NBEA: variants seen among roughly 807,000 people sequenced by gnomAD.
NBEA encodes the protein lysosomal-trafficking regulator 2.
In NBEA, 44 loss-of-function variants were observed where a neutral mutation model predicts 343.4. The observed-to-expected ratio is 0.13, with a 90% confidence interval of 0.10 to 0.16. NBEA has a LOEUF of 0.16. NBEA is among the 10% of genes least tolerant of loss of function. The probability of loss-of-function intolerance (pLI) is 1.00; values close to 1 mark genes in which losing one functional copy is unlikely to be tolerated. For missense variants in NBEA, 2,555 were observed against 3,631.3 expected (o/e 0.70, Z 7.62); for synonymous variants, 1,175 against 1,238.7 (o/e 0.95, Z 1.08).
intron 48 of NBEA, among the ~76,000 whole-genome samples, chr13:35,615,441 T>C (rs2153057086): frequency 6.6e-6 from 1 of 152,162 alleles, no homozygotes; most frequent in African/African-American, 2.4e-5. Flanking sequence ...CCTCCTGGGT[T>C]CAAGTGATTC....
At chr13:35,194,555 A>C (rs992449460) in intron 30 of NBEA, among the ~76,000 whole-genome samples, 2 of 152,136 alleles carry the variant, frequency 1.3e-5, no homozygotes, top group African/African-American at 4.8e-5. Context: ...AAGTTTAAGC[A>C]ATACAAATAG....
intron 41 of NBEA, among the ~76,000 whole-genome samples, chr13:35,514,638 C>G (rs1480232668): frequency 6.6e-6 from 1 of 152,132 alleles, no homozygotes; most frequent in Non-Finnish European, 1.5e-5. Context: ...GAAATGGAAT[C>G]TGTTCATTTT....
intron 1 of NBEA, among the ~76,000 whole-genome samples, chr13:34,995,109 A>C (rs2060892701): frequency 6.6e-6 from 1 of 152,128 alleles, no homozygotes; most frequent in Non-Finnish European, 1.5e-5. Flanking sequence ...ACAAAGGTAA[A>C]AGCCCATTTT....
chr13:34,966,696 G>C (rs2059831409), intron 1 of NBEA, among the ~76,000 whole-genome samples: 2 of 150,096 alleles, frequency 1.3e-5, no homozygotes, highest in South Asian at 4.2e-4. Context: ...ATGAAAATGA[G>C]GTAAATGATG....
At chr13:35,086,221 A>G (rs1446601878) in intron 10 of NBEA, among the ~76,000 whole-genome samples, 1 of 152,084 alleles carries the variant, frequency 6.6e-6, no homozygotes, top group Non-Finnish European at 1.5e-5. Flanking sequence ...CAGAATTGTA[A>G]AAAACTACTT....
chr13:35,074,797 A>G (rs1035061935), intron 10 of NBEA, among the ~76,000 whole-genome samples: 7 of 152,182 alleles, frequency 4.6e-5, no homozygotes, highest in Non-Finnish European at 1.0e-4. Flanking sequence ...GTTGTCTCAC[A>G]TAGTTACCTA....
intron 22 of NBEA, among the ~76,000 whole-genome samples, chr13:35,161,497 G>A (rs932015190): frequency 1.4e-4 from 21 of 152,090 alleles, no homozygotes; most frequent in African/African-American, 5.1e-4. Context: ...GTGAACTTTG[G>A]TGTTAACTTT....
intron 36 of NBEA, among the ~76,000 whole-genome samples, chr13:35,332,775 A>G (rs982956121): frequency 3.3e-5 from 5 of 152,174 alleles, no homozygotes; most frequent in Non-Finnish European, 7.3e-5. Context: ...AAGAATTAAT[A>G]GATTAAAAGT....
chr13:35,210,205 G>A (rs1415938566), intron 32 of NBEA, among the ~76,000 whole-genome samples: 1 of 151,784 alleles, frequency 6.6e-6, no homozygotes, highest in Non-Finnish European at 1.5e-5. Flanking sequence ...AGTGATGGTA[G>A]CAAGAGTTTT....
chr13:35,111,282 G>A (rs1172499993), intron 13 of NBEA, among the ~76,000 whole-genome samples: 2 of 151,784 alleles, frequency 1.3e-5, no homozygotes, highest in African/African-American at 2.4e-5. Flanking sequence ...GTTATAACTG[G>A]TGTGTTCTAG....
chr13:35,271,909 G>A (rs1030899232), intron 34 of NBEA, among the ~76,000 whole-genome samples: 1 of 152,162 alleles, frequency 6.6e-6, no homozygotes. Context: ...CAGAAAGAAT[G>A]GAACCAAGTT....
chr13:35,126,649 T>C (rs1301273078), intron 17 of NBEA, among the ~76,000 whole-genome samples: 1 of 152,180 alleles, frequency 6.6e-6, no homozygotes, highest in African/African-American at 2.4e-5. Context: ...CCAGGTGTGC[T>C]GGCTCATGCC....
chr13:35,624,244 A>G (rs369838174), intron 48 of NBEA, among the ~76,000 whole-genome samples: 24 of 152,302 alleles, frequency 1.6e-4, no homozygotes, highest in African/African-American at 5.5e-4. Context: ...TACAAACACA[A>G]TCAACTTCTA....
chr13:35,604,985 A>G (rs1566396615), intron 47 of NBEA, among the ~76,000 whole-genome samples: 1 of 152,174 alleles, frequency 6.6e-6, no homozygotes, highest in Non-Finnish European at 1.5e-5. Context: ...AGGCCAGACT[A>G]TGAATTACTT....
chr13:35,102,602 T>C (rs1183873133), intron 11 of NBEA, among the ~76,000 whole-genome samples: 1 of 151,812 alleles, frequency 6.6e-6, no homozygotes, highest in Admixed American at 6.6e-5. Flanking sequence ...TATTTCCAGG[T>C]ATTTGATATT....
chr13:34,995,752 A>T (rs942948142), intron 1 of NBEA, among the ~76,000 whole-genome samples: 4 of 152,228 alleles, frequency 2.6e-5, no homozygotes, highest in African/African-American at 9.6e-5. Flanking sequence ...CTCAAGTTTC[A>T]TTCAGCATGA....
Position 34,944,679 on chromosome 13 carries a change from A to G in NBEA, c.294+1565A>G, listed in dbSNP as rs2059134746. Among the ~76,000 whole-genome samples the G allele has an allele frequency of 2.0e-5, 3 of 149,788 alleles. No individual in the cohort carries two copies. The South Asian group carries it at 6.3e-4, about 32-fold the overall frequency. On this transcript the variant is annotated intron_variant, in intron 1 of 58. Coordinates refer to ENST00000379939, the MANE Select transcript of NBEA (RefSeq NM_001385012.1). ...AGTACTTGCCATTTCTTTTTAAAAGAAGATAAATCTCAAACTGTTAGTATG... is the reference window on the plus strand; with the variant it reads ...AGTACTTGCCATTTCTTTTTAAAAGGAGATAAATCTCAAACTGTTAGTATG...
At chr13:35,454,467 A>C (rs935157547) in intron 40 of NBEA, among the ~76,000 whole-genome samples, 5 of 152,298 alleles carry the variant, frequency 3.3e-5, no homozygotes, top group Non-Finnish European at 2.9e-5. Context: ...AAATTTGTTT[A>C]ATAATAATGT....
chr13:35,083,366 C>A (rs968657063), intron 10 of NBEA, among the ~76,000 whole-genome samples: 1 of 151,818 alleles, frequency 6.6e-6, no homozygotes, highest in Non-Finnish European at 1.5e-5. Flanking sequence ...CCTCCAGGGT[C>A]GGGTTACCCA....
Sources: gnomAD v4.1 joint callset for allele counts (sites outside exome capture counted in the v4.1 genomes callset) on GRCh38, gnomAD v4.1.1 for gene constraint, MANE v1.5 for transcripts, NCBI Gene and HGNC (gene_info 2026-07-23, HGNC 2026-07-21) for gene names.